ANO3: variants seen among roughly 807,000 people sequenced by gnomAD.
ANO3 encodes anoctamin-3.
A neutral mutation model predicts 144.8 loss-of-function variants in ANO3; 99 were observed. The ratio of observed to expected loss-of-function variants is 0.68; its 90% confidence interval spans 0.58 to 0.81. The LOEUF (loss-of-function observed/expected upper bound fraction) is 0.81, where lower values mean the gene tolerates loss of function less well. ANO3 is among the 30% of genes least tolerant of loss of function. ANO3 has a pLI of 0.00. For synonymous variants in ANO3, 414 were observed against 392.6 expected, an observed-to-expected ratio of 1.05 and a Z score of -0.64; for missense variants, 905 against 1,202.2, an observed-to-expected ratio of 0.75 and a Z score of 3.66.
intron 1 of ANO3, among the ~76,000 whole-genome samples, chr11:26,435,221 T>TTTTC (rs1858252002): frequency 6.6e-6 from 1 of 152,166 alleles, no homozygotes; most frequent in African/African-American, 2.4e-5. Context: ...TTGAAGATAT[T>TTTTC]TTTCTTTAAG....
chr11:26,354,601 C>T (rs906769636), intron 1 of ANO3, among the ~76,000 whole-genome samples: 2 of 152,098 alleles, frequency 1.3e-5, no homozygotes, highest in Non-Finnish European at 2.9e-5. Context: ...CTCTTTAGCT[C>T]TATTTTTTTT....
At chr11:26,407,349 C>A (rs1413430686) in intron 1 of ANO3, among the ~76,000 whole-genome samples, 1 of 151,538 alleles carries the variant, frequency 6.6e-6, no homozygotes, top group South Asian at 2.1e-4. Context: ...TTCTACTACT[C>A]CTGCTATCCC....
intron 19 of ANO3, 68 bp downstream of exon 19, chr11:26,634,383 A>G (rs960644616): frequency 2.0e-6 from 2 of 978,214 alleles, no homozygotes; most frequent in Middle Eastern, 2.2e-4. Flanking sequence ...ATTGACGATT[A>G]CTGTTCTTAC....
intron 1 of ANO3, among the ~76,000 whole-genome samples, chr11:26,389,258 T>C (rs932578556): frequency 2.6e-5 from 4 of 151,988 alleles, no homozygotes; most frequent in African/African-American, 9.7e-5. Flanking sequence ...TTACTGAGAG[T>C]GTCCGGGGTC....
chr11:26,194,444 G>GTGTGTGTGTGTT (rs566971406), intron 1 of ANO3, among the ~76,000 whole-genome samples: 1 of 92,252 alleles, frequency 1.1e-5, no homozygotes. Context: ...ATAGTGGTGT[G>GTGTGTGTGTGTT]TGTGTGTGTG....
chr11:26,598,761 A>G, intron 15 of ANO3, 97 bp from the exon 16 acceptor site: 1 of 1,297,542 alleles, frequency 7.7e-7, no homozygotes, highest in Non-Finnish European at 1.0e-6. Context: ...ACTTAATACA[A>G]AAGTAGGCCA....
chr11:26,227,097 G>C (rs981306078), intron 1 of ANO3, among the ~76,000 whole-genome samples: 11 of 152,004 alleles, frequency 7.2e-5, no homozygotes, highest in African/African-American at 2.7e-4. Context: ...AATGTCTTTA[G>C]GATTCAACCA....
chr11:26,597,413 A>C (rs61878589), intron 14 of ANO3, among the ~76,000 whole-genome samples: 4,677 of 152,340 alleles, frequency 0.031, 104 homozygotes, highest in Non-Finnish European at 0.049. Context: ...TTAGCCGTGC[A>C]GGAACAACGG....
At chr11:26,390,824 A>G (rs1856856394) in intron 1 of ANO3, among the ~76,000 whole-genome samples, 1 of 152,128 alleles carries the variant, frequency 6.6e-6, no homozygotes, top group Non-Finnish European at 1.5e-5. Flanking sequence ...TGTATGTGAC[A>G]TGCATAAATT....
chr11:26,502,543 A>C (rs962146780), intron 4 of ANO3, among the ~76,000 whole-genome samples: 10 of 152,130 alleles, frequency 6.6e-5, no homozygotes, highest in African/African-American at 2.4e-4. Context: ...TAATGACATG[A>C]TCTAATTTTA....
In ANO3 at chr11:26,639,170, C is replaced by T. The variant is rs1415978047; in HGVS notation, c.2070C>T (p.Asp690=). Residue 690 remains aspartate (D), a synonymous_variant, in exon 21 of 27, where the codon GAC becomes GAT. Transcript: ENST00000256737. ...EECHPSGCLI[D]LCLQMGVIMF... ...GTCATCCTAGTGGCTGTTTGATAGACCTCTGCCTCCAGATGGGTGTCATCA... is the reference window on the plus strand; with the variant it reads ...GTCATCCTAGTGGCTGTTTGATAGATCTCTGCCTCCAGATGGGTGTCATCA... 3 of 1,613,130 alleles carry T rather than the reference C, an allele frequency of 1.9e-6. No individual in the cohort carries two copies. Among genetic ancestry groups the T allele is most frequent in the Admixed American group, 3.3e-5 (2 of 60,000 alleles).
Position 26,597,752 on chromosome 11 carries a change from G to A in ANO3, c.1448-613G>A, listed in dbSNP as rs541522875. On this transcript the variant is annotated intron_variant, in intron 14 of 26. Coordinates refer to ENST00000256737, the MANE Select transcript of ANO3 (RefSeq NM_031418.4). ...AAAGTCTTGAATGGTGTAAGATAGAGCCCGTCTAGAAAAAAAATAAAACAG... is the reference window on the plus strand; with the variant it reads ...AAAGTCTTGAATGGTGTAAGATAGAACCCGTCTAGAAAAAAAATAAAACAG... 2.9e-4 allele frequency among the ~76,000 whole-genome samples: 44 copies of A among 152,236 alleles called. 1 individual carries two copies. The South Asian group carries it at 8.5e-3, about 29-fold the overall frequency.
intron 1 of ANO3, among the ~76,000 whole-genome samples, chr11:26,387,442 C>A (rs1223110373): frequency 2.0e-5 from 3 of 152,018 alleles, no homozygotes; most frequent in African/African-American, 7.2e-5. Flanking sequence ...ATGTAATCTA[C>A]TATATGACCC....
At chr11:26,508,314 T>C (rs118181050) in intron 5 of ANO3, 52 bp downstream of exon 5, 45,752 of 1,503,142 alleles carry the variant, frequency 0.03, 810 homozygotes, top group Non-Finnish European at 0.036. Flanking sequence ...GGAACAGATA[T>C]AATCACTTAT....
chr11:26,246,515 T>G (rs914237970), intron 1 of ANO3, among the ~76,000 whole-genome samples: 4 of 149,818 alleles, frequency 2.7e-5, no homozygotes, highest in Admixed American at 1.3e-4. Flanking sequence ...ATCATATGTT[T>G]CAAGGCTATC....
At chr11:26,387,215 G>A (rs1440247329) in intron 1 of ANO3, among the ~76,000 whole-genome samples, 2 of 147,612 alleles carry the variant, frequency 1.4e-5, no homozygotes, top group African/African-American at 2.5e-5. Context: ...CTTATGAGCC[G>A]TCCACCTCAG....
chr11:26,260,363 C>A (rs1354168490), intron 1 of ANO3, among the ~76,000 whole-genome samples: 1 of 152,238 alleles, frequency 6.6e-6, no homozygotes, highest in African/African-American at 2.4e-5. Context: ...CTGTGAAGTA[C>A]AATTACTACT....
chr11:26,337,338 AG>A (rs1855220454), intron 1 of ANO3, among the ~76,000 whole-genome samples: 2 of 152,344 alleles, frequency 1.3e-5, no homozygotes, highest in Non-Finnish European at 2.9e-5. Flanking sequence ...CTACTTAGTA[AG>A]GGAGAGAAGT....
intron 1 of ANO3, among the ~76,000 whole-genome samples, chr11:26,226,029 G>T (rs1852249734): frequency 6.6e-6 from 1 of 151,932 alleles, no homozygotes; most frequent in South Asian, 2.1e-4. Context: ...GCAGTTTTTT[G>T]GGGGGTTATT....
Sources: allele counts gnomAD v4.1 joint callset (sites outside exome capture counted in the v4.1 genomes callset), GRCh38; gene constraint gnomAD v4.1.1; transcripts MANE v1.5; gene names NCBI Gene and HGNC (gene_info 2026-07-23, HGNC 2026-07-21).